GALNT9: variants seen among roughly 807,000 people sequenced by gnomAD.
GALNT9 encodes the protein polypeptide N-acetylgalactosaminyltransferase 9, also known as GalNAc transferase 9.
In GALNT9, 47 loss-of-function variants were observed where a neutral mutation model predicts 63.1. The ratio of observed to expected loss-of-function variants is 0.75; its 90% confidence interval spans 0.59 to 0.95. The LOEUF (loss-of-function observed/expected upper bound fraction) is 0.95. Ranked by LOEUF, GALNT9 falls within the 40% of genes least tolerant of loss-of-function variation. GALNT9 has a pLI of 0.00. For synonymous variants in GALNT9, 396 were observed against 365.7 expected, an observed-to-expected ratio of 1.08 and a Z score of -0.94; for missense variants, 829 against 874.8, an observed-to-expected ratio of 0.95 and a Z score of 0.66.
rs1881527244 is a variant in GALNT9 at position 132,305,026 on chromosome 12, C to T, written c.239-18596G>A. Among the ~76,000 whole-genome samples the T allele has an allele frequency of 4.0e-5, 2 of 50,458 alleles. 1 individual carries two copies. The highest frequency in any genetic ancestry group is 1.9e-4 in the African/African-American group (2 of 10,596). The allele number at this position is 50,458 out of a possible 152,430, so 33.1% of individuals were successfully genotyped here. A position where few individuals can be genotyped will look rare whatever the true frequency, so the allele number is the denominator to read the frequency against. On this transcript the variant is annotated intron_variant, in intron 1 of 10. Coordinates refer to ENST00000328957, the MANE Select transcript of GALNT9 (RefSeq NM_001122636.2). Reference sequence around the variant, plus strand: ...GCACATCCTCACCGGGGCACACCCTCACCCAGACACACCCTCACCCGGGCA... The same window carrying T: ...GCACATCCTCACCGGGGCACACCCTTACCCAGACACACCCTCACCCGGGCA...
At position 132,328,924 on chromosome 12, in the gene GALNT9, C is replaced by T. The variant is rs1015789686; in HGVS notation, c.238+42G>A. ...ATCGCGCCCGGGGTGGCCACTGTCC[C>T]GGGCAGGGCTGCCCCCACTCCGCCC... On this transcript the variant is annotated intron_variant, in intron 1 of 10. Coordinates refer to ENST00000328957, the MANE Select transcript of GALNT9 (RefSeq NM_001122636.2). 10 of 1,469,562 alleles carry T rather than the reference C, an allele frequency of 6.8e-6. No homozygotes were observed. In the East Asian group the frequency reaches 2.3e-4, roughly 34 times the overall value. 91.0% of individuals were successfully genotyped at this position (1,469,562 alleles called of 1,614,324 possible).
At chr12:132,247,780 C>T (rs1324352103) in intron 6 of GALNT9, 130 bp downstream of exon 6, 31 of 1,256,750 alleles carry the variant, frequency 2.5e-5, no homozygotes, top group African/African-American at 6.7e-5. Flanking sequence ...ACCCCATCCC[C>T]GGACGCTGCA....
Position 132,252,247 on chromosome 12 carries a change from C to T in GALNT9, c.960-4220G>A, listed in dbSNP as rs1878944130. Among the ~76,000 whole-genome samples, 2 of 152,212 alleles carry T rather than the reference C, an allele frequency of 1.3e-5. No individual in the cohort carries two copies. Among genetic ancestry groups the T allele is most frequent in the South Asian group, 2.1e-4 (1 of 4,826 alleles). On this transcript the variant is annotated intron_variant, in intron 5 of 10. Coordinates refer to ENST00000328957, the MANE Select transcript of GALNT9 (RefSeq NM_001122636.2). This position sits in a 1 kb window ranked among gnomAD's most constrained non-coding sequence, Gnocchi z 5.2. ...CAAAGAGGCCTCCAAAGATGAGCCA[C>T]AGGCGGCTGTGAACGCAGGAAGGGC...
intron 6 of GALNT9, among the ~76,000 whole-genome samples, chr12:132,219,982 C>T (rs1877389963): frequency 6.6e-6 from 1 of 152,196 alleles, no homozygotes; most frequent in Non-Finnish European, 1.5e-5. Context: ...GCGGCACCCA[C>T]CACTGACTTC....
At chr12:132,325,512 T>C (rs1229930181) in intron 1 of GALNT9, among the ~76,000 whole-genome samples, 3 of 152,196 alleles carry the variant, frequency 2.0e-5, no homozygotes, top group Non-Finnish European at 4.4e-5. Flanking sequence ...GAGCGTGCAA[T>C]GAGCGTGCAC....
rs1374019759 is a variant in GALNT9 at position 132,262,517 on chromosome 12, G to C, written c.528C>G (p.Asn176Lys). The change falls in exon 3 of 11, where the codon AAC becomes AAG. Residue 176 changes from asparagine (N) to lysine (K), a missense_variant. Transcript: ENST00000328957. Reference sequence around the variant, plus strand: ...CCTTGAGGAGCTGGGAGGGCGTGTGGTTGACCACGCTGTGCACGGAGCGCA... The same window carrying C: ...CCTTGAGGAGCTGGGAGGGCGTGTGCTTGACCACGCTGTGCACGGAGCGCA... The part of the protein sequence containing the change: ...VILRSVHSVV[N>K]HTPSQLLKEV... The C allele has an allele frequency of 6.4e-7, 1 of 1,551,352 alleles. No homozygotes were observed. The highest frequency in any genetic ancestry group is 8.7e-7 in the Non-Finnish European group (1 of 1,146,916).
intron 6 of GALNT9, among the ~76,000 whole-genome samples, chr12:132,235,616 C>A (rs1877973817): frequency 2.0e-5 from 3 of 152,182 alleles, no homozygotes; most frequent in Admixed American, 1.3e-4. Context: ...CACCCCACAG[C>A]AGCCAGAGCC....
At chr12:132,307,338 T>C (rs1162710490) in intron 1 of GALNT9, among the ~76,000 whole-genome samples, 19 of 152,188 alleles carry the variant, frequency 1.2e-4, no homozygotes, top group African/African-American at 3.9e-4. Context: ...TGGGTCTATC[T>C]AGATCTGTTC....
chr12:132,239,257 G>GAGAGACAGAGAGACAC (rs2135529058), intron 6 of GALNT9, among the ~76,000 whole-genome samples: 1 of 151,686 alleles, frequency 6.6e-6, no homozygotes, highest in African/African-American at 2.4e-5. Context: ...CTGAGAGACT[G>GAGAGACAGAGAGACAC]AGAGACAGAG....
At chr12:132,243,231 C>G (rs1878516385) in intron 6 of GALNT9, among the ~76,000 whole-genome samples, 1 of 137,482 alleles carries the variant, frequency 7.3e-6, no homozygotes, top group South Asian at 2.2e-4. Context: ...ATTACACACA[C>G]GCCACACCCC....
chr12:132,247,448 A>G (rs1002956321), intron 6 of GALNT9: 8 of 369,832 alleles, frequency 2.2e-5, no homozygotes, highest in Non-Finnish European at 3.8e-5. Context: ...ACTGTCCCCA[A>G]CTCCAGCTCA....
chr12:132,228,099 CG>C (rs1171009789), intron 6 of GALNT9, among the ~76,000 whole-genome samples: 5 of 151,880 alleles, frequency 3.3e-5, no homozygotes. Context: ...GCAGGGGTGG[CG>C]GGGGGGCACC....
At chr12:132,247,592 C>A (rs961177223) in intron 6 of GALNT9, 2 of 538,134 alleles carry the variant, frequency 3.7e-6, no homozygotes. Flanking sequence ...TCGCCCTCAC[C>A]CTGTCCCCGG....
intron 2 of GALNT9, chr12:132,272,662 T>C (rs1311995848): frequency 6.6e-6 from 1 of 152,262 alleles, no homozygotes; most frequent in Non-Finnish European, 1.5e-5. Flanking sequence ...CATAAAATAA[T>C]TTCTTTTACC....
At position 132,203,706 on chromosome 12, in the gene GALNT9, G is replaced by T. The variant is rs375454272; in HGVS notation, c.1078-16C>A. 19 of 1,606,878 alleles carry T rather than the reference G, an allele frequency of 1.2e-5. No homozygotes were observed. Among genetic ancestry groups the T allele is most frequent in the Non-Finnish European group, 1.6e-5 (19 of 1,178,722 alleles). Reference sequence around the variant, plus strand: ...ACTGCCACACCTGCGGGGAGACGGCGCTGGGTGCCGGCGTCCTTCCCAACG... The same window carrying T: ...ACTGCCACACCTGCGGGGAGACGGCTCTGGGTGCCGGCGTCCTTCCCAACG... On this transcript the variant is annotated splice_polypyrimidine_tract_variant and intron_variant, in intron 6 of 10. Transcript: ENST00000328957.
chr12:132,196,995 C>G lies in GALNT9; in HGVS notation c.*112G>C. On this transcript the variant is annotated 3_prime_UTR_variant, in exon 11 of 11. Coordinates refer to ENST00000328957, the MANE Select transcript of GALNT9 (RefSeq NM_001122636.2). Reference sequence around the variant, plus strand: ...GCCCCTCAGCCTCTGCTGTCCTGGCCGCACATAGAGCCCTGTCCTGCTGTG... The same window carrying G: ...GCCCCTCAGCCTCTGCTGTCCTGGCGGCACATAGAGCCCTGTCCTGCTGTG... The G allele has an allele frequency of 1.3e-6, 2 of 1,534,302 alleles. No individual in the cohort carries two copies.
At chr12:132,228,129 C>A (rs2135524693) in intron 6 of GALNT9, among the ~76,000 whole-genome samples, 1 of 152,224 alleles carries the variant, frequency 6.6e-6, no homozygotes, top group East Asian at 1.9e-4. Flanking sequence ...GTGGCTGGAA[C>A]AAGCCCTTGG....
intron 6 of GALNT9, among the ~76,000 whole-genome samples, chr12:132,205,126 C>T (rs1005110542): frequency 6.6e-6 from 1 of 152,168 alleles, no homozygotes; most frequent in Admixed American, 6.5e-5. Flanking sequence ...AGGCTGCTCT[C>T]ATCTCCAGGC....
In GALNT9 at chr12:132,203,544, GAA is replaced by G. The variant is rs1387132071; in HGVS notation, c.1222_1223del (p.Phe408GlnfsTer24). ...LRAAEVWMDD[F>X]KSHVYMAWNI... is the part of the protein sequence containing the mutation. ...TCCAGGCCATGTACACGTGGGACTT[GAA>G]GTCATCCATCCACACCTCGGCGGCG... On this transcript the variant is annotated frameshift_variant, in exon 7 of 11. Coordinates refer to ENST00000328957, the MANE Select transcript of GALNT9 (RefSeq NM_001122636.2). LOFTEE classifies it high-confidence loss of function. 6.2e-7 allele frequency: 1 copy of G among 1,614,012 alleles called. No homozygotes were observed. The highest frequency in any genetic ancestry group is 8.5e-7 in the Non-Finnish European group (1 of 1,179,870).
Sources: allele counts gnomAD v4.1 joint callset (sites outside exome capture counted in the v4.1 genomes callset), GRCh38; gene constraint gnomAD v4.1.1; non-coding constraint Gnocchi (gnomAD v3.1); transcripts MANE v1.5; gene names NCBI Gene and HGNC (gene_info 2026-07-23, HGNC 2026-07-21).